TBC1D31: variants seen among roughly 807,000 people sequenced by gnomAD.
The protein encoded by TBC1D31 is TBC1 domain family member 31, also known as WD repeat domain 67.
Under a neutral mutation model 132.9 loss-of-function variants are expected in TBC1D31, and 99 were observed. The ratio of observed to expected loss-of-function variants is 0.74; its 90% CI spans 0.63 to 0.88. TBC1D31 has a LOEUF of 0.88. TBC1D31 is among the 40% of genes least tolerant of loss of function. The pLI, the probability that TBC1D31 is intolerant of heterozygous loss-of-function variation, is 0.00. For missense variants in TBC1D31, 1,134 were observed against 1,256.6 expected, an observed-to-expected ratio of 0.90 and a Z score of 1.48; for synonymous variants, 385 against 419.4, an observed-to-expected ratio of 0.92 and a Z score of 1.00.
At chr8:123,158,840 G>T in the TBC1D31 span, among the ~76,000 whole-genome samples, 1 of 152,092 alleles carries the variant, frequency 6.6e-6, no homozygotes. Flanking sequence ...TGGCCGAGGG[G>T]CGAGGAAGGA....
intron 4 of TBC1D31, among the ~76,000 whole-genome samples, chr8:123,085,825 C>A (rs756375160): frequency 6.6e-6 from 1 of 152,142 alleles, no homozygotes; most frequent in South Asian, 2.1e-4. Flanking sequence ...AAATCCATTT[C>A]TTTTGTTTTT....
rs1291965804 is a variant in TBC1D31, at chr8:123,084,201, C to T, written c.380C>T (p.Ser127Leu). The change falls in exon 4 of 22, where the codon TCA (serine) becomes TTA (leucine). Residue 127 changes from serine to leucine, a missense_variant. Coordinates refer to ENST00000287380, the MANE Select transcript of TBC1D31 (RefSeq NM_145647.4). ...GTTAGCTGGATGAGAGGACATGAAT[C>T]ATCAGTATTTTCGATCTCTGTGCAT... Reference protein sequence around the residue: ...ELVSWMRGHESSVFSISVHAS... With the variant: ...ELVSWMRGHELSVFSISVHAS... 4 of 1,614,034 alleles carry T rather than the reference C, an allele frequency of 2.5e-6. No individual in the cohort carries two copies. The highest frequency in any genetic ancestry group is 2.5e-6 in the Non-Finnish European group (3 of 1,180,028).
Position 123,144,800 on chromosome 8 carries a change from T to G in TBC1D31, c.2919T>G (p.Phe973Leu). ...TTTCAGATGCGTCTAGAAAGTGGTT[T>G]TTAAAGCAAGAGATAAATGCGGCTG... ...SALSDASRKW[F>L]LKQEINAAVE... The change falls in exon 20 of 22, where the codon TTT (phenylalanine) becomes TTG (leucine). Residue 973 changes from phenylalanine to leucine, a missense_variant. Coordinates refer to ENST00000287380, the MANE Select transcript of TBC1D31 (RefSeq NM_145647.4). The G allele has an allele frequency of 6.2e-7, 1 of 1,613,938 alleles. No homozygotes were observed. The highest frequency in any genetic ancestry group is 8.5e-7 in the Non-Finnish European group (1 of 1,179,978).
chr8:123,127,191 G>A (rs1586690747), intron 13 of TBC1D31, among the ~76,000 whole-genome samples: 1 of 151,210 alleles, frequency 6.6e-6, no homozygotes, highest in East Asian at 1.9e-4. Context: ...GGCAATTATA[G>A]CAGGCTAGTA....
intron 4 of TBC1D31, among the ~76,000 whole-genome samples, chr8:123,089,039 A>T (rs1012269669): frequency 6.6e-6 from 1 of 152,206 alleles, no homozygotes; most frequent in Non-Finnish European, 1.5e-5. Context: ...CAGGTTGAGG[A>T]TTCCCAATTT....
intron 6 of TBC1D31, among the ~76,000 whole-genome samples, chr8:123,099,606 G>T (rs1434724691): frequency 1.3e-5 from 2 of 152,124 alleles, no homozygotes; most frequent in African/African-American, 4.8e-5. Context: ...GGGAGTGACA[G>T]GTTTGTGTGG....
intron 4 of TBC1D31, among the ~76,000 whole-genome samples, chr8:123,086,531 AC>A (rs1194680249): frequency 6.6e-6 from 1 of 151,386 alleles, no homozygotes; most frequent in African/African-American, 2.4e-5. Flanking sequence ...TGGCTGTCCC[AC>A]CCTTTTGGTA....
intron 4 of TBC1D31, 85 bp downstream of exon 4, chr8:123,084,425 T>G: frequency 7.7e-7 from 1 of 1,301,136 alleles, no homozygotes. Context: ...ATAAGAGTAA[T>G]GATTCACTTT....
At chr8:123,087,033 G>T (rs1051772295) in intron 4 of TBC1D31, among the ~76,000 whole-genome samples, 1 of 152,168 alleles carries the variant, frequency 6.6e-6, no homozygotes, top group African/African-American at 2.4e-5. Flanking sequence ...CCTGTTCTGT[G>T]CCAGGCTTTG....
intron 8 of TBC1D31, among the ~76,000 whole-genome samples, chr8:123,107,704 T>C (rs1818067826): frequency 6.6e-6 from 1 of 152,204 alleles, no homozygotes; most frequent in East Asian, 1.9e-4. Flanking sequence ...TCTGGCAGCA[T>C]TGTAGTGTGG....
At chr8:123,136,618 T>G (rs1821121192) in intron 17 of TBC1D31, among the ~76,000 whole-genome samples, 1 of 152,050 alleles carries the variant, frequency 6.6e-6, no homozygotes, top group Admixed American at 6.6e-5. Context: ...ACCTGGCTAA[T>G]TTTTGTATTT....
intron 4 of TBC1D31, among the ~76,000 whole-genome samples, chr8:123,093,355 T>C (rs1030496615): frequency 1.3e-5 from 2 of 152,154 alleles, no homozygotes; most frequent in Non-Finnish European, 1.5e-5. Context: ...ATTTAGAATT[T>C]TGTGACTTGC....
intron 20 of TBC1D31, among the ~76,000 whole-genome samples, chr8:123,148,361 A>C (rs568459374): frequency 6.6e-6 from 1 of 152,190 alleles, no homozygotes; most frequent in African/African-American, 2.4e-5. Context: ...GAACAGAGAT[A>C]ATATTTACAA....
rs117694893 is a variant in TBC1D31 at position 123,097,798 on chromosome 8, G to A, written c.831+357G>A. 3.7e-4 allele frequency: 59 copies of A among 160,954 alleles called. No homozygotes were observed. The East Asian group carries it at 0.01, about 28-fold the overall frequency. The allele number at this position is 160,954 out of a possible 1,614,324, so 10.0% of individuals were successfully genotyped here. A position where few individuals can be genotyped will look rare whatever the true frequency, so the allele number is the denominator to read the frequency against. On this transcript the variant is annotated intron_variant, in intron 6 of 21. Coordinates refer to ENST00000287380, the MANE Select transcript of TBC1D31 (RefSeq NM_145647.4). ...TATAACACTAACGACCAGAAACATT[G>A]ACTCGTCAACATTCCTGTTAATTGT...
At chr8:123,085,324 C>CACCA (rs1815618148) in intron 4 of TBC1D31, among the ~76,000 whole-genome samples, 1 of 152,170 alleles carries the variant, frequency 6.6e-6, no homozygotes, top group Admixed American at 6.6e-5. Context: ...CCTGGGTGAC[C>CACCA]ACCACTCTTA....
intron 2 of TBC1D31, 115 bp from the exon 3 acceptor site, chr8:123,082,587 A>G (rs751037663): frequency 6.0e-5 from 42 of 700,196 alleles, no homozygotes; most frequent in Non-Finnish European, 9.0e-5. Context: ...TTTTTGGCCT[A>G]AAATGGTAGC....
Position 123,142,360 on chromosome 8 carries a change from A to C in TBC1D31, c.2739A>C (p.Arg913=), listed in dbSNP as rs368708019. 2.2e-5 allele frequency: 35 copies of C among 1,610,640 alleles called. No individual in the cohort carries two copies. In the African/African-American group the frequency reaches 4.5e-4, roughly 21 times the overall value. The change falls in exon 19 of 22, where the codon CGA becomes CGC. Residue 913 remains arginine (R), a synonymous_variant. Transcript: ENST00000287380. The part of the protein sequence containing the change: ...LHKQKCDDLQ[R]NKCYQEVAKL... ...AACAAAAATGTGATGATCTACAACG[A>C]AACAAATGTTACCAGGAAGTAGCCA...
Position 123,084,231 on chromosome 8 carries a change from C to T in TBC1D31, c.410C>T (p.Ser137Leu). The T allele has an allele frequency of 6.2e-7, 1 of 1,614,106 alleles. No homozygotes were observed. The highest frequency in any genetic ancestry group is 8.5e-7 in the Non-Finnish European group (1 of 1,180,000). The part of the protein sequence containing the change: ...SSVFSISVHA[S>L]GKYAITTSSD... Reference sequence around the variant, plus strand: ...GTATTTTCGATCTCTGTGCATGCATCAGGGAAATATGCCATCACAACTTCT... The same window carrying T: ...GTATTTTCGATCTCTGTGCATGCATTAGGGAAATATGCCATCACAACTTCT... Residue 137 changes from serine to leucine, a missense_variant, in exon 4 of 22, where the codon TCA becomes TTA. Transcript: ENST00000287380.
chr8:123,118,718 G>C (rs532474379), intron 10 of TBC1D31, among the ~76,000 whole-genome samples: 1 of 152,138 alleles, frequency 6.6e-6, no homozygotes, highest in South Asian at 2.1e-4. Flanking sequence ...GTGGTAAAAT[G>C]GTTCTTTCTA....
Sources: allele counts gnomAD v4.1 joint callset (sites outside exome capture counted in the v4.1 genomes callset), GRCh38; gene constraint gnomAD v4.1.1; transcripts MANE v1.5; gene names NCBI Gene and HGNC (gene_info 2026-07-23, HGNC 2026-07-21).